Variants in TMEM230 observed in about 807,000 individuals in gnomAD.
TMEM230 encodes UPF0414 transmembrane protein C20orf30.
In TMEM230, 10 loss-of-function variants were observed where a neutral mutation model predicts 15.8. That is an observed-to-expected ratio of 0.63 (90% confidence interval 0.39 to 1.07). The LOEUF is 1.07. Ranked by LOEUF, TMEM230 falls within the 50% of genes least tolerant of loss-of-function variation. TMEM230 has a pLI of 0.01. For synonymous variants in TMEM230, 67 were observed against 76.9 expected (o/e 0.87, Z 0.68); for missense variants, 165 against 193.3 (o/e 0.85, Z 0.87).
intron 3 of TMEM230, among the ~76,000 whole-genome samples, chr20:5,075,128 C>T (rs567610470): frequency 9.3e-5 from 14 of 151,330 alleles, no homozygotes; most frequent in African/African-American, 2.2e-4. Flanking sequence ...TGCAATGGCA[C>T]GATCTCGGCT....
intron 3 of TMEM230, among the ~76,000 whole-genome samples, chr20:5,086,100 G>A (rs950529243): frequency 2.0e-5 from 3 of 151,956 alleles, no homozygotes; most frequent in African/African-American, 7.2e-5. Context: ...CAATGAAAAG[G>A]GTTTTAATAT....
At chr20:5,064,199 G>A (rs1258599906), downstream of TMEM230, among the ~76,000 whole-genome samples, 6 of 152,024 alleles carry the variant, frequency 3.9e-5, no homozygotes, top group South Asian at 2.1e-4. Context: ...CCCAGGAGGC[G>A]GAGGTTGCAG....
At chr20:5,071,276 G>T (rs1383827812) in intron 3 of TMEM230, among the ~76,000 whole-genome samples, 2 of 152,182 alleles carry the variant, frequency 1.3e-5, no homozygotes. Flanking sequence ...ACTGGGAATG[G>T]ACGTGTAGGG....
At chr20:5,103,813 TA>T (rs2089967541) in intron 4 of TMEM230, among the ~76,000 whole-genome samples, 1 of 152,106 alleles carries the variant, frequency 6.6e-6, no homozygotes, top group African/African-American at 2.4e-5. Context: ...CACTTAAATG[TA>T]AGACCTAAAA....
chr20:5,063,277 ATTTTTTTT>A (rs1165126313), downstream of TMEM230, among the ~76,000 whole-genome samples: 34 of 86,412 alleles, frequency 3.9e-4, no homozygotes, highest in African/African-American at 1.2e-3. Flanking sequence ...GCTGCTATGA[ATTTTTTTT>A]TTTTTTTTTT....
intron 3 of TMEM230, among the ~76,000 whole-genome samples, chr20:5,093,575 C>T (rs1166107199): frequency 2.0e-5 from 3 of 151,756 alleles, no homozygotes; most frequent in Non-Finnish European, 4.4e-5. Flanking sequence ...CTTGCTCTGT[C>T]GCCCAGGCTG....
chr20:5,096,174 G>A (rs1194119615), downstream of TMEM230, among the ~76,000 whole-genome samples: 1 of 152,348 alleles, frequency 6.6e-6, no homozygotes, highest in East Asian at 1.9e-4. Flanking sequence ...GATGGCAACA[G>A]GGTAACAGAT....
At chr20:5,107,813 C>CA (rs374440749) in intron 3 of TMEM230, among the ~76,000 whole-genome samples, 2,848 of 119,882 alleles carry the variant, frequency 0.024, 83 homozygotes, top group Admixed American at 0.1. Context: ...GACCCTGTCT[C>CA]AAAAAAAAAA....
chr20:5,071,904 C>A (rs2088841438), intron 3 of TMEM230, among the ~76,000 whole-genome samples: 1 of 152,004 alleles, frequency 6.6e-6, no homozygotes, highest in Non-Finnish European at 1.5e-5. Flanking sequence ...CACGCTGCCA[C>A]CACACCCAGC....
rs757387126 is a variant in TMEM230, at chr20:5,109,400, C to T, written c.220G>A (p.Gly74Arg). Residue 74 changes from glycine (G) to arginine (R), a missense_variant, in exon 3 of 5, where the codon GGA becomes AGA. By Grantham distance (125) the Gly-to-Arg change is moderately radical. Transcript: ENST00000342308. Reference sequence around the variant, plus strand: ...TATTTCACTTTACTACTGGGGATTCCAGTAGCCAGGTTGGTACGGGACGGC... The same window carrying T: ...TATTTCACTTTACTACTGGGGATTCTAGTAGCCAGGTTGGTACGGGACGGC... The T allele has an allele frequency of 1.9e-6, 3 of 1,613,856 alleles. No individual in the cohort carries two copies. The highest frequency in any genetic ancestry group is 2.5e-6 in the Non-Finnish European group (3 of 1,179,850).
chr20:5,084,762 G>A (rs1306355992), intron 3 of TMEM230, among the ~76,000 whole-genome samples: 2 of 151,950 alleles, frequency 1.3e-5, no homozygotes, highest in African/African-American at 4.8e-5. Context: ...TCAAACTCCT[G>A]ACCTCAGGTA....
chr20:5,073,399 G>C (rs2088889443), intron 3 of TMEM230, among the ~76,000 whole-genome samples: 1 of 152,224 alleles, frequency 6.6e-6, no homozygotes, highest in African/African-American at 2.4e-5. Context: ...CTGGGGCTTG[G>C]CTTTGGTGGC....
intron 3 of TMEM230, among the ~76,000 whole-genome samples, chr20:5,082,140 G>A (rs763777549): frequency 6.6e-6 from 1 of 151,722 alleles, no homozygotes; most frequent in Non-Finnish European, 1.5e-5. Flanking sequence ...ACCTGCCTCG[G>A]CCTCCCAAAG....
chr20:5,063,943 T>C (rs2088629203), downstream of TMEM230, among the ~76,000 whole-genome samples: 4 of 152,034 alleles, frequency 2.6e-5, no homozygotes, highest in East Asian at 1.9e-4. Flanking sequence ...CTTAGGAAAA[T>C]GCATACCCAC....
chr20:5,112,860 C>T (rs897416088), intron 1 of TMEM230, 101 bp downstream of exon 1: 1 of 1,546,458 alleles, frequency 6.5e-7, no homozygotes, highest in African/African-American at 1.4e-5. Flanking sequence ...ATGCCCCACA[C>T]GGATGACTCG....
At chr20:5,067,710 G>A (rs2008017), downstream of TMEM230, among the ~76,000 whole-genome samples, 85,926 of 144,752 alleles carry the variant, frequency 0.59, 26,220 homozygotes, top group East Asian at 0.84. Flanking sequence ...CCAAAGTTCT[G>A]GGATTAAGGC....
intron 3 of TMEM230, among the ~76,000 whole-genome samples, chr20:5,084,583 G>A (rs774287030): frequency 2.0e-5 from 3 of 152,004 alleles, no homozygotes; most frequent in Non-Finnish European, 4.4e-5. Context: ...TGCCCAGGCT[G>A]GAGTGCAGTG....
intron 4 of TMEM230, among the ~76,000 whole-genome samples, chr20:5,101,850 T>C (rs1216850742): frequency 7.2e-5 from 11 of 152,234 alleles, no homozygotes; most frequent in Admixed American, 7.2e-4. Flanking sequence ...TAAGGTTTCA[T>C]ATTGAAGCTC....
chr20:5,064,906 C>T (rs1322324309), downstream of TMEM230, among the ~76,000 whole-genome samples: 5 of 152,044 alleles, frequency 3.3e-5, no homozygotes, highest in Non-Finnish European at 1.5e-5. Flanking sequence ...CGTGGTGGCT[C>T]ATGCCTGTAA....
Sources: gnomAD v4.1 joint callset for allele counts (sites outside exome capture counted in the v4.1 genomes callset) on GRCh38, gnomAD v4.1.1 for gene constraint, MANE v1.5 for transcripts, NCBI Gene and HGNC (gene_info 2026-07-23, HGNC 2026-07-21) for gene names.